ATRNL1: variants seen among roughly 807,000 people sequenced by gnomAD.
The protein encoded by ATRNL1 is attractin-like protein 1.
In ATRNL1, 95 loss-of-function variants were observed where a neutral mutation model predicts 182.7. That is an observed-to-expected ratio of 0.52 (90% CI 0.44 to 0.62). The LOEUF is 0.62. Ranked by LOEUF, ATRNL1 falls within the 20% of genes least tolerant of loss-of-function variation. The pLI is 0.00. For synonymous variants in ATRNL1, 576 were observed against 568.3 expected (o/e 1.01, Z -0.19); for missense variants, 1,471 against 1,679.5 (o/e 0.88, Z 2.17).
chr10:115,944,878 T>C lies in ATRNL1; in HGVS notation c.*99T>C. On this transcript the variant is annotated 3_prime_UTR_variant, in exon 29 of 29. Coordinates refer to ENST00000355044, the MANE Select transcript of ATRNL1 (RefSeq NM_207303.4). The stretch of plus-strand genomic sequence containing the variant: ...GATTTTATGGAGGCAGATCTCTGTA[T>C]CATCCAGAGCCTGAGTACAGTTTCC... 1 of 1,384,458 alleles carries C rather than the reference T, an allele frequency of 7.2e-7. No individual in the cohort carries two copies. The highest frequency in any genetic ancestry group is 1.9e-4 in the Middle Eastern group (1 of 5,254). 85.8% of individuals were successfully genotyped at this position (1,384,458 alleles called of 1,614,324 possible). A position where few individuals can be genotyped will look rare whatever the true frequency, so the allele number is the denominator to read the frequency against.
chr10:115,130,333 C>A (rs1554874843), intron 5 of ATRNL1, among the ~76,000 whole-genome samples: 1 of 152,024 alleles, frequency 6.6e-6, no homozygotes, highest in African/African-American at 2.4e-5. Context: ...ATTATTATAA[C>A]ACAGTGTAAT....
intron 25 of ATRNL1, among the ~76,000 whole-genome samples, chr10:115,547,020 G>A (rs1852695727): frequency 3.3e-5 from 5 of 152,134 alleles, no homozygotes; most frequent in South Asian, 4.2e-4. Context: ...TTGGAAGGCC[G>A]AGGCCGGCAG....
intron 26 of ATRNL1, among the ~76,000 whole-genome samples, chr10:115,716,927 A>C (rs998828540): frequency 6.6e-6 from 1 of 152,086 alleles, no homozygotes; most frequent in African/African-American, 2.4e-5. Flanking sequence ...ATGTGTGAAA[A>C]ATTTTTTCGA....
intron 10 of ATRNL1, among the ~76,000 whole-genome samples, chr10:115,248,852 T>G (rs1481120114): frequency 2.6e-5 from 4 of 152,196 alleles, no homozygotes; most frequent in Non-Finnish European, 4.4e-5. Context: ...AATGTAATTT[T>G]CTATTACAGA....
chr10:115,145,335 T>C (rs941963282), intron 5 of ATRNL1, among the ~76,000 whole-genome samples: 1 of 152,148 alleles, frequency 6.6e-6, no homozygotes, highest in African/African-American at 2.4e-5. Flanking sequence ...GTTTTAAGCC[T>C]TCTGCAGCCC....
At chr10:115,768,649 C>T (rs1397015435) in intron 27 of ATRNL1, among the ~76,000 whole-genome samples, 1 of 152,152 alleles carries the variant, frequency 6.6e-6, no homozygotes, top group Non-Finnish European at 1.5e-5. Flanking sequence ...GTATCTTCTT[C>T]ACTTTACCTG....
At position 115,506,659 on chromosome 10, in the gene ATRNL1, A is replaced by G. The variant is rs541398527; in HGVS notation, c.3655-12604A>G. Among the ~76,000 whole-genome samples, 5 of 152,246 alleles carry G rather than the reference A, an allele frequency of 3.3e-5. No individual in the cohort carries two copies. The East Asian group carries it at 9.7e-4, about 29-fold the overall frequency. ...CTTGTTGGAAGCAAGTAAAACTCCA[A>G]AAAAGGGAAGTTGTACGGCAAAATA... is the stretch of plus-strand genomic sequence containing the variant. On this transcript the variant is annotated intron_variant, in intron 24 of 28. Coordinates refer to ENST00000355044, the MANE Select transcript of ATRNL1 (RefSeq NM_207303.4).
At chr10:115,739,450 C>T (rs554255367) in intron 27 of ATRNL1, among the ~76,000 whole-genome samples, 6 of 152,308 alleles carry the variant, frequency 3.9e-5, no homozygotes, top group African/African-American at 1.4e-4. Flanking sequence ...CCACCCTTCA[C>T]CTACTGTCAG....
intron 5 of ATRNL1, among the ~76,000 whole-genome samples, chr10:115,138,130 A>G (rs1845598956): frequency 6.6e-6 from 1 of 152,210 alleles, no homozygotes; most frequent in African/African-American, 2.4e-5. Context: ...ACGCTGATGC[A>G]AGAGGTGGGC....
At chr10:115,753,953 T>C (rs181313632) in intron 27 of ATRNL1, among the ~76,000 whole-genome samples, 2 of 152,236 alleles carry the variant, frequency 1.3e-5, no homozygotes, top group Admixed American at 6.5e-5. Flanking sequence ...TTCATATGTT[T>C]GTTGGCTGCA....
chr10:115,384,658 A>G (rs1365946221), intron 19 of ATRNL1, among the ~76,000 whole-genome samples: 1 of 151,688 alleles, frequency 6.6e-6, no homozygotes, highest in African/African-American at 2.4e-5. Flanking sequence ...TTTTTTCTTC[A>G]ACCATTAAAC....
chr10:115,234,653 C>T (rs1183293821), intron 9 of ATRNL1, among the ~76,000 whole-genome samples: 1 of 145,822 alleles, frequency 6.9e-6, no homozygotes, highest in Non-Finnish European at 1.5e-5. Context: ...AGCAGTGGTA[C>T]GATCTCGGCT....
chr10:115,286,893 A>G (rs781877801), intron 15 of ATRNL1, among the ~76,000 whole-genome samples: 7 of 151,992 alleles, frequency 4.6e-5, no homozygotes, highest in East Asian at 1.9e-4. Flanking sequence ...ACAGCTATTC[A>G]ATAACATTTA....
chr10:115,756,359 T>C (rs1948591262), intron 27 of ATRNL1, among the ~76,000 whole-genome samples: 1 of 152,212 alleles, frequency 6.6e-6, no homozygotes, highest in African/African-American at 2.4e-5. Context: ...TTCTGGTACG[T>C]TGTGTCTTTG....
At chr10:115,516,379 C>G (rs557728894) in intron 24 of ATRNL1, among the ~76,000 whole-genome samples, 96 of 151,884 alleles carry the variant, frequency 6.3e-4, no homozygotes, top group African/African-American at 2.2e-3. Context: ...TCACTTCTCT[C>G]TCTAAATTAT....
At chr10:115,272,257 T>C (rs1268748374) in intron 13 of ATRNL1, among the ~76,000 whole-genome samples, 1 of 152,162 alleles carries the variant, frequency 6.6e-6, no homozygotes, top group African/African-American at 2.4e-5. Flanking sequence ...ACACAGGGTG[T>C]AGGGTATGGT....
intron 12 of ATRNL1, 133 bp downstream of exon 12, chr10:115,267,138 C>T: frequency 5.0e-6 from 3 of 602,440 alleles, no homozygotes; most frequent in Non-Finnish European, 8.7e-6. Context: ...ATTAGGAATT[C>T]TAATGTTTGA....
intron 10 of ATRNL1, among the ~76,000 whole-genome samples, chr10:115,249,871 C>T (rs1314862906): frequency 2.0e-5 from 3 of 151,992 alleles, no homozygotes; most frequent in Admixed American, 1.3e-4. Context: ...TTCTTCTTGG[C>T]AAGAAATATA....
Position 115,392,110 on chromosome 10 carries a change from A to AATTAAAT in ATRNL1, c.3176-2549_3176-2548insATTAAAT, listed in dbSNP as rs1554954497. ...ATTAGAAATCTAGTCCTTAAATTAG[A>AATTAAAT]TAGTTTAATTATCCCATTATATAAA... On this transcript the variant is annotated intron_variant, in intron 19 of 28. Transcript: ENST00000355044. Among the ~76,000 whole-genome samples, 3 of 152,156 alleles carry AATTAAAT rather than the reference A, an allele frequency of 2.0e-5. No homozygotes were observed. The East Asian group carries it at 5.8e-4, about 29-fold the overall frequency.
Sources: allele counts gnomAD v4.1 joint callset (sites outside exome capture counted in the v4.1 genomes callset), GRCh38; gene constraint gnomAD v4.1.1; transcripts MANE v1.5; gene names NCBI Gene and HGNC (gene_info 2026-07-23, HGNC 2026-07-21).